GALNT16: variants seen among roughly 807,000 people sequenced by gnomAD.
GALNT16 encodes the protein UDP-GalNAc:polypeptide N-acetylgalactosaminyltransferase-like protein 1.
A neutral mutation model predicts 76.1 loss-of-function variants in GALNT16; 40 were observed. The observed-to-expected ratio is 0.53, with a 90% confidence interval of 0.41 to 0.68. The LOEUF is 0.68. GALNT16 is among the 30% of genes least tolerant of loss of function. The pLI is 0.00. For synonymous variants in GALNT16, 276 were observed against 285.2 expected (o/e 0.97, Z 0.32); for missense variants, 621 against 731.9 (o/e 0.85, Z 1.75).
intron 9 of GALNT16, among the ~76,000 whole-genome samples, chr14:69,336,970 G>A (rs1190688416): frequency 1.3e-5 from 2 of 152,088 alleles, no homozygotes; most frequent in Admixed American, 1.3e-4. Flanking sequence ...CAGGCAATCT[G>A]CCGCCCTCAG....
At chr14:69,368,178 C>A in the GALNT16 span, among the ~76,000 whole-genome samples, 1 of 152,138 alleles carries the variant, frequency 6.6e-6, no homozygotes, top group Non-Finnish European at 1.5e-5. Context: ...AAAGCTCTTT[C>A]CCTTGTGGGT....
the GALNT16 span, among the ~76,000 whole-genome samples, chr14:69,375,592 T>C: frequency 6.6e-6 from 1 of 152,156 alleles, no homozygotes; most frequent in African/African-American, 2.4e-5. Flanking sequence ...TATCCTATCT[T>C]CTTTTGGATT....
chr14:69,361,463 G>A (rs2045723250), downstream of GALNT16, among the ~76,000 whole-genome samples: 3 of 152,282 alleles, frequency 2.0e-5, no homozygotes, highest in South Asian at 6.2e-4. Context: ...CATGCTCCTT[G>A]CTGCTCCTTA....
chr14:69,307,311 C>A (rs929363540), intron 1 of GALNT16, among the ~76,000 whole-genome samples: 1 of 152,170 alleles, frequency 6.6e-6, no homozygotes, highest in Non-Finnish European at 1.5e-5. Flanking sequence ...CCAAGCAAAG[C>A]GACAGATCAC....
the GALNT16 span, among the ~76,000 whole-genome samples, chr14:69,368,312 G>A: frequency 6.6e-6 from 1 of 152,292 alleles, no homozygotes; most frequent in East Asian, 1.9e-4. Flanking sequence ...CATGGGTCAG[G>A]AATCCAGGAG....
rs566250469 is a variant in GALNT16 at position 69,278,941 on chromosome 14, T to G, written c.177+18474T>G. Among the ~76,000 whole-genome samples the G allele has an allele frequency of 5.9e-4, 90 of 152,204 alleles. 1 individual carries two copies. Among genetic ancestry groups the G allele is most frequent in the African/African-American group, 2.1e-3 (87 of 41,520 alleles). On this transcript the variant is annotated intron_variant, in intron 1 of 14. Coordinates refer to ENST00000448469, the MANE Select transcript of GALNT16 (RefSeq NM_001168368.2). The stretch of plus-strand genomic sequence containing the variant: ...TCCTGTCTTTACCTTAATTTTTTTT[T>G]TTTTTTTGAGACAAAGTCTCACTCT...
chr14:69,325,894 G>A (rs2045276640), intron 4 of GALNT16, 68 bp from the exon 5 acceptor site: 2 of 1,279,748 alleles, frequency 1.6e-6, no homozygotes, highest in Non-Finnish European at 2.3e-6. Context: ...CAATTTTCAT[G>A]GCAGCCAAAC....
At chr14:69,266,123 A>G (rs1267713973) in intron 1 of GALNT16, among the ~76,000 whole-genome samples, 1 of 152,204 alleles carries the variant, frequency 6.6e-6, no homozygotes, top group African/African-American at 2.4e-5. Context: ...CTTCCCCTGG[A>G]GCATCTTCTG....
rs776961764 is a variant in GALNT16, at chr14:69,328,595, TG to T, written c.690+27del. On this transcript the variant is annotated intron_variant, in intron 6 of 14. Coordinates refer to ENST00000448469, the MANE Select transcript of GALNT16 (RefSeq NM_001168368.2). ...AGGTGAGCCACTGTCTCTGGGGAGC[TG>T]GGCGTCCTTGGGGACTCAGCCACTA... is the stretch of plus-strand genomic sequence containing the variant. 5.6e-6 allele frequency: 9 copies of T among 1,603,666 alleles called. No individual in the cohort carries two copies. In the South Asian group the frequency reaches 1.0e-4, roughly 18 times the overall value.
chr14:69,260,181 T>C lies in GALNT16; in HGVS notation c.-110T>C, dbSNP rs569692990. 7.5e-6 allele frequency: 3 copies of C among 399,138 alleles called. No homozygotes were observed. In the East Asian group the frequency reaches 2.9e-4, roughly 39 times the overall value. 24.7% of individuals were successfully genotyped at this position (399,138 alleles called of 1,614,324 possible). A position where few individuals can be genotyped will look rare whatever the true frequency, so the allele number is the denominator to read the frequency against. ...CTCTCCTTTTTCTGCTCTGCAGGAC[T>C]GAGCAGCTAGGCGCGAGCGAAAACA... On this transcript the variant is annotated 5_prime_UTR_variant, in exon 1 of 15. Transcript: ENST00000448469.
chr14:69,269,569 A>AGT (rs764201692), intron 1 of GALNT16, among the ~76,000 whole-genome samples: 96 of 133,058 alleles, frequency 7.2e-4, no homozygotes, highest in South Asian at 4.5e-3. Context: ...GTGTGTATAT[A>AGT]GTGTGTGTGT....
In GALNT16 at chr14:69,320,651, C is replaced by T. The variant is rs2045165877; in HGVS notation, c.178-60C>T. On this transcript the variant is annotated intron_variant, in intron 1 of 14. Transcript: ENST00000448469. ...GCTCCCGCCTGGTGTGTGCTGAGCACTCGCCAAGCAGTGGGGTCCTCCTGC... is the reference window on the plus strand; with the variant it reads ...GCTCCCGCCTGGTGTGTGCTGAGCATTCGCCAAGCAGTGGGGTCCTCCTGC... 5 of 1,532,504 alleles carry T rather than the reference C, an allele frequency of 3.3e-6. No individual in the cohort carries two copies. In the South Asian group the frequency reaches 6.1e-5, roughly 19 times the overall value. 94.9% of individuals were successfully genotyped at this position (1,532,504 alleles called of 1,614,324 possible).
intron 10 of GALNT16, 128 bp downstream of exon 10, chr14:69,338,905 GC>G (rs978319847): frequency 7.1e-6 from 5 of 701,832 alleles, no homozygotes; most frequent in South Asian, 2.0e-5. Context: ...TTCCCCATTT[GC>G]CCCCTCTGGT....
intron 6 of GALNT16, 48 bp downstream of exon 6, chr14:69,328,619 C>CT (rs1566882718): frequency 1.3e-6 from 2 of 1,586,574 alleles, no homozygotes; most frequent in African/African-American, 2.7e-5. Flanking sequence ...GACTCAGCCA[C>CT]TACGTTCCTG....
chr14:69,295,926 G>A (rs1023193263), intron 1 of GALNT16, among the ~76,000 whole-genome samples: 2 of 152,028 alleles, frequency 1.3e-5, no homozygotes, highest in African/African-American at 4.8e-5. Context: ...TCCAACCACC[G>A]TTTTGTTCAT....
the GALNT16 span, among the ~76,000 whole-genome samples, chr14:69,364,477 C>CTAAG: frequency 2.6e-5 from 4 of 152,088 alleles, no homozygotes; most frequent in African/African-American, 9.7e-5. The surrounding 1 kb of genome is among the most constrained non-coding windows in gnomAD (Gnocchi z 4.2). Flanking sequence ...TGTTGAAAGG[C>CTAAG]TAAGGCAGTG....
rs142649271 is a variant in GALNT16, at chr14:69,266,205, G to A, written c.177+5738G>A. On this transcript the variant is annotated intron_variant, in intron 1 of 14. Transcript: ENST00000448469. ...TGAATCAGCACCTTGCTTTGTATTC[G>A]CTCCACAAACATTCGATGGGGAAAA... Among the ~76,000 whole-genome samples, 656 of 152,128 alleles carry A rather than the reference G, an allele frequency of 4.3e-3. 1 individual carries two copies. The highest frequency in any genetic ancestry group is 9.2e-3 in the African/African-American group (380 of 41,484).
chr14:69,313,033 G>A (rs1023743883), intron 1 of GALNT16, among the ~76,000 whole-genome samples: 1 of 152,182 alleles, frequency 6.6e-6, no homozygotes, highest in Non-Finnish European at 1.5e-5. Flanking sequence ...GTACCTCTAG[G>A]CCTCAGTTTC....
intron 1 of GALNT16, among the ~76,000 whole-genome samples, chr14:69,266,842 A>C (rs779478645): frequency 1.3e-5 from 2 of 152,224 alleles, no homozygotes; most frequent in African/African-American, 2.4e-5. Flanking sequence ...CCAGAAATCC[A>C]TAACTGCTGC....
Sources: gnomAD v4.1 joint callset for allele counts (sites outside exome capture counted in the v4.1 genomes callset) on GRCh38, gnomAD v4.1.1 for gene constraint, Gnocchi (gnomAD v3.1) non-coding constraint, MANE v1.5 for transcripts, NCBI Gene and HGNC (gene_info 2026-07-23, HGNC 2026-07-21) for gene names.